KIF11: variants seen among roughly 807,000 people sequenced by gnomAD.
The protein encoded by KIF11 is kinesin family member 11, also known as kinesin-like protein KIF11.
In KIF11, 9 loss-of-function variants were observed where a neutral mutation model predicts 121.0. The ratio of observed to expected loss-of-function variants is 0.07; its 90% CI spans 0.04 to 0.13. KIF11 has a LOEUF of 0.13. KIF11 is among the 10% of genes least tolerant of loss of function. The pLI is 1.00. For missense variants in KIF11, 846 were observed against 1,217.5 expected (o/e 0.69, Z 4.54); for synonymous variants, 408 against 421.0 (o/e 0.97, Z 0.38).
chr10:92,599,983 G>A (rs1844349636), intron 1 of KIF11, among the ~76,000 whole-genome samples: 1 of 127,336 alleles, frequency 7.9e-6, no homozygotes, highest in South Asian at 2.3e-4. Flanking sequence ...TTGAACTTCT[G>A]TTTATTATTA....
chr10:92,593,550 G>A lies in KIF11; in HGVS notation c.77+98G>A, dbSNP rs77614132. The A allele has an allele frequency of 8.0e-5, 83 of 1,033,170 alleles. No individual in the cohort carries two copies. In the East Asian group the frequency reaches 2.1e-3, roughly 26 times the overall value. 64.0% of individuals were successfully genotyped at this position (1,033,170 alleles called of 1,614,324 possible). A position where few individuals can be genotyped will look rare whatever the true frequency, so the allele number is the denominator to read the frequency against. The stretch of plus-strand genomic sequence containing the variant: ...GAGGGATTTTATTTGCATTTCCTGA[G>A]GGTCCCAGTTTCTTGGTTCTCCGCG... On this transcript the variant is annotated intron_variant, in intron 1 of 21. Coordinates refer to ENST00000260731, the MANE Select transcript of KIF11 (RefSeq NM_004523.4).
chr10:92,651,553 G>T, intron 21 of KIF11, among the ~76,000 whole-genome samples: 2 of 66,502 alleles, frequency 3.0e-5, no homozygotes, highest in Non-Finnish European at 6.7e-5. Context: ...TTTTTTAGTA[G>T]AGGGGGTTTC....
chr10:92,627,246 G>A lies in KIF11; in HGVS notation c.1218-1562G>A, dbSNP rs1438015988. 4.6e-5 allele frequency among the ~76,000 whole-genome samples: 7 copies of A among 152,172 alleles called. No individual in the cohort carries two copies. In the East Asian group the frequency reaches 1.3e-3, roughly 29 times the overall value. On this transcript the variant is annotated intron_variant, in intron 10 of 21. Transcript: ENST00000260731. ...TAAGCATAATGTGAAATAGAAAATT[G>A]TTGGTTGTTATCAAAGAATTAGATG...
At chr10:92,626,401 A>G (rs1367264220) in intron 10 of KIF11, among the ~76,000 whole-genome samples, 3 of 152,242 alleles carry the variant, frequency 2.0e-5, no homozygotes, top group Non-Finnish European at 4.4e-5. Flanking sequence ...GCCCATATAC[A>G]GAAATCAACT....
rs1844944241 is a variant in KIF11 at position 92,648,411 on chromosome 10, A to G, written c.2747A>G (p.Asp916Gly). 6.2e-7 allele frequency: 1 copy of G among 1,603,014 alleles called. No individual in the cohort carries two copies. Among genetic ancestry groups the G allele is most frequent in the East Asian group, 2.2e-5 (1 of 44,626 alleles). Reference protein sequence around the residue: ...LTKLNCFLEQDLKLDIPTGTT... With the variant: ...LTKLNCFLEQGLKLDIPTGTT... ...AAGCTTAATTGCTTTCTGGAACAGG[A>G]TCTGAAACTGGATATCCCAACAGGT... Residue 916 changes from aspartate (D) to glycine (G), a missense_variant, in exon 19 of 22, where the codon GAT becomes GGT. Asp to Gly is a moderately conservative substitution (Grantham distance 94). Coordinates refer to ENST00000260731, the MANE Select transcript of KIF11 (RefSeq NM_004523.4).
At chr10:92,651,391 A>G (rs920426401) in intron 21 of KIF11, among the ~76,000 whole-genome samples, 1 of 142,570 alleles carries the variant, frequency 7.0e-6, no homozygotes, top group African/African-American at 2.7e-5. Context: ...GCTGGAGTGC[A>G]ATGGCACGAT....
Position 92,648,212 on chromosome 10 carries a change from G to A in KIF11, c.2548G>A (p.Val850Ile). ...REQELHNLLEVVSQCCEASSS... is the reference protein window; with the variant it reads ...REQELHNLLEIVSQCCEASSS... ...AAATATTTATTTGCATCATTTACAG[G>A]TTGTAAGCCAATGTTGTGAGGCTTC... The change falls in exon 19 of 22, where the codon GTT becomes ATT. Residue 850 changes from valine to isoleucine, a missense_variant and splice_region_variant. Coordinates refer to ENST00000260731, the MANE Select transcript of KIF11 (RefSeq NM_004523.4). The A allele has an allele frequency of 6.3e-7, 1 of 1,585,776 alleles. No individual in the cohort carries two copies. The highest frequency in any genetic ancestry group is 8.6e-7 in the Non-Finnish European group (1 of 1,162,790).
At chr10:92,651,548 T>TTTTTTTTTTTTTTTTTG (rs1844984273) in intron 21 of KIF11, among the ~76,000 whole-genome samples, 2 of 117,108 alleles carry the variant, frequency 1.7e-5, no homozygotes, top group African/African-American at 3.5e-5. Flanking sequence ...TTTTTTTTTT[T>TTTTTTTTTTTTTTTTTG]AGTAGAGGGG....
rs969733264 is a variant in KIF11, at chr10:92,613,775, G to A, written c.1032+156G>A. The stretch of plus-strand genomic sequence containing the variant: ...AAGGTGGGCGGATCACTTGAGCTTA[G>A]GAGTGCCTGGGCAACATGCCGAAAC... On this transcript the variant is annotated intron_variant, in intron 8 of 21. Coordinates refer to ENST00000260731, the MANE Select transcript of KIF11 (RefSeq NM_004523.4). This position sits in a 1 kb window ranked among gnomAD's most constrained non-coding sequence, Gnocchi z 4.2. 6.6e-6 allele frequency among the ~76,000 whole-genome samples: 1 copy of A among 152,070 alleles called. No individual in the cohort carries two copies. Among genetic ancestry groups the A allele is most frequent in the African/African-American group, 2.4e-5 (1 of 41,408 alleles).
chr10:92,637,684 T>TC, intron 16 of KIF11, 139 bp downstream of exon 16: 1 of 772,960 alleles, frequency 1.3e-6, no homozygotes, highest in Non-Finnish European at 2.0e-6. Flanking sequence ...CTGTTGCTTA[T>TC]AACAGTAATT....
rs187830060 is a variant in KIF11 at position 92,632,367 on chromosome 10, C to T, written c.1495-119C>T. 3.4e-5 allele frequency: 23 copies of T among 676,798 alleles called. No homozygotes were observed. The Admixed American group carries it at 5.7e-4, about 17-fold the overall frequency. 41.9% of individuals were successfully genotyped at this position (676,798 alleles called of 1,614,324 possible). A position where few individuals can be genotyped will look rare whatever the true frequency, so the allele number is the denominator to read the frequency against. On this transcript the variant is annotated intron_variant, in intron 12 of 21. Transcript: ENST00000260731. ...ATTTTTAGTAGAGACGGGGTTTCAC[C>T]ATGTTGGCCAGGCTGGAAAATTTAC... is the stretch of plus-strand genomic sequence containing the variant.
intron 1 of KIF11, among the ~76,000 whole-genome samples, chr10:92,603,263 CTTTTTTTT>C (rs368046931): frequency 2.7e-5 from 3 of 109,172 alleles, no homozygotes; most frequent in African/African-American, 7.4e-5. Flanking sequence ...CTTTTCTTTT[CTTTTTTTT>C]TTTTTTTTTT....
At chr10:92,618,836 C>T (rs1356543517) in intron 9 of KIF11, among the ~76,000 whole-genome samples, 2 of 152,036 alleles carry the variant, frequency 1.3e-5, no homozygotes, top group East Asian at 3.9e-4. Context: ...TTTACCACCA[C>T]AATCAAGATA....
intron 1 of KIF11, among the ~76,000 whole-genome samples, chr10:92,602,802 A>G (rs1254336404): frequency 7.3e-6 from 1 of 136,814 alleles, no homozygotes; most frequent in East Asian, 2.2e-4. Context: ...AACCCTGGTT[A>G]CTTAAACACA....
rs139687812 is a variant in KIF11 at position 92,616,086 on chromosome 10, C to T, written c.1033-651C>T. 3.3e-3 allele frequency among the ~76,000 whole-genome samples: 501 copies of T among 152,070 alleles called. 1 individual carries two copies. Among genetic ancestry groups the T allele is most frequent in the African/African-American group, 0.012 (487 of 41,526 alleles). ...ACTCTTGACCTCATGATTCACCCGC[C>T]CCGGCCTTCCAAAGTGCTGGGATTA... is the stretch of plus-strand genomic sequence containing the variant. On this transcript the variant is annotated intron_variant, in intron 8 of 21. Coordinates refer to ENST00000260731, the MANE Select transcript of KIF11 (RefSeq NM_004523.4).
intron 1 of KIF11, among the ~76,000 whole-genome samples, chr10:92,600,531 CAG>C (rs1844357084): frequency 6.6e-6 from 1 of 151,922 alleles, no homozygotes. Context: ...TCTTTTGAGA[CAG>C]ACTCTCGCTC....
At chr10:92,605,992 A>G (rs990407839) in intron 1 of KIF11, among the ~76,000 whole-genome samples, 2 of 152,212 alleles carry the variant, frequency 1.3e-5, no homozygotes, top group African/African-American at 2.4e-5. Flanking sequence ...CCATCAAAAC[A>G]AAACAAATCT....
chr10:92,639,765 T>A (rs1447208468), intron 16 of KIF11, 29 bp from the exon 17 acceptor site: 1 of 1,282,834 alleles, frequency 7.8e-7, no homozygotes, highest in East Asian at 2.3e-5. Flanking sequence ...TAATTTTAAG[T>A]CTCTTCACTT....
At chr10:92,624,397 A>ATT (rs767433280) in intron 10 of KIF11, among the ~76,000 whole-genome samples, 3 of 144,884 alleles carry the variant, frequency 2.1e-5, no homozygotes, top group African/African-American at 7.6e-5. Context: ...TGCCCAGCAA[A>ATT]TTTTTTTTTT....
Sources: gnomAD v4.1 joint callset for allele counts (sites outside exome capture counted in the v4.1 genomes callset) on GRCh38, gnomAD v4.1.1 for gene constraint, Gnocchi (gnomAD v3.1) non-coding constraint, MANE v1.5 for transcripts, NCBI Gene and HGNC (gene_info 2026-07-23, HGNC 2026-07-21) for gene names.